Variants in GLS observed in about 807,000 individuals in gnomAD.
GLS encodes the protein glutaminase, also known as glutaminase kidney isoform, mitochondrial.
In GLS, 36 loss-of-function variants were observed where a neutral mutation model predicts 86.7. That is an observed-to-expected ratio of 0.42 (90% CI 0.32 to 0.55). The LOEUF (loss-of-function observed/expected upper bound fraction) is 0.55, where lower values mean the gene tolerates loss of function less well. Among genes scored for constraint, GLS ranks in the 20% least tolerant of loss-of-function variants. The pLI, the probability that GLS is intolerant of heterozygous loss-of-function variation, is 0.17. For synonymous variants in GLS, 317 were observed against 305.9 expected, an observed-to-expected ratio of 1.04 and a Z score of -0.38; for missense variants, 528 against 833.4, an observed-to-expected ratio of 0.63 and a Z score of 4.51.
chr2:190,892,595 G>A (rs1006344919), intron 1 of GLS, among the ~76,000 whole-genome samples: 1 of 152,064 alleles, frequency 6.6e-6, no homozygotes, highest in Non-Finnish European at 1.5e-5. Flanking sequence ...TTACCAGAAA[G>A]AATTAATTTA....
rs529489300 is a variant in GLS, at chr2:190,901,811, A to G, written c.736-136A>G. ...TCATGAGCATTGTTACAGAAGATAG[A>G]CTATGAAGCCACTGAGTGTTGTAGA... On this transcript the variant is annotated intron_variant, in intron 4 of 17. Transcript: ENST00000320717. 52 of 627,860 alleles carry G rather than the reference A, an allele frequency of 8.3e-5. 4 individuals carry two copies. In the South Asian group the frequency reaches 9.9e-4, roughly 12 times the overall value. 38.9% of individuals were successfully genotyped at this position (627,860 alleles called of 1,614,324 possible). A position where few individuals can be genotyped will look rare whatever the true frequency, so the allele number is the denominator to read the frequency against.
chr2:190,892,346 A>G (rs1688595189), intron 1 of GLS, among the ~76,000 whole-genome samples: 1 of 152,168 alleles, frequency 6.6e-6, no homozygotes, highest in African/African-American at 2.4e-5. Context: ...ATCTTCTGTT[A>G]TATCCTATTT....
At chr2:190,946,970 TAAATA>T (rs10590551) in intron 14 of GLS, among the ~76,000 whole-genome samples, 17,465 of 152,092 alleles carry the variant, frequency 0.11, 1,355 homozygotes, top group Admixed American at 0.27. Flanking sequence ...GTGGTAGTAA[TAAATA>T]AAATATATCT....
intron 5 of GLS, among the ~76,000 whole-genome samples, chr2:190,903,055 A>T (rs1203013448): frequency 6.6e-6 from 1 of 152,156 alleles, no homozygotes; most frequent in African/African-American, 2.4e-5. Context: ...TTTTATGAAA[A>T]TTTGATCTTT....
rs1278983926 is a variant in GLS at position 190,955,436 on chromosome 2, T to A, written c.1853+618T>A. ...GAATGATGGTTTCCAGCTTCACCCA[T>A]GTCCCTGCAAAGGACATGAACTCAT... On this transcript the variant is annotated intron_variant, in intron 17 of 17. Coordinates refer to ENST00000320717, the MANE Select transcript of GLS (RefSeq NM_014905.5). The surrounding 1 kb of genome is among the most constrained non-coding windows in gnomAD (Gnocchi z 5.6). Among the ~76,000 whole-genome samples, 3 of 152,226 alleles carry A rather than the reference T, an allele frequency of 2.0e-5. No individual in the cohort carries two copies.
At chr2:190,915,279 C>T (rs1201070115) in intron 7 of GLS, among the ~76,000 whole-genome samples, 5 of 151,722 alleles carry the variant, frequency 3.3e-5, no homozygotes, top group South Asian at 2.1e-4. Flanking sequence ...GGATTACAGA[C>T]GTGAGCCACC....
chr2:190,932,731 T>C (rs898604871), intron 14 of GLS: 14 of 1,599,812 alleles, frequency 8.8e-6, no homozygotes, highest in East Asian at 4.5e-5. Context: ...CTTTGGACCA[T>C]TGGACTATGA....
In GLS at chr2:190,954,480, G is replaced by A; in HGVS notation, c.1713-104G>A. On this transcript the variant is annotated intron_variant, in intron 15 of 17. Coordinates refer to ENST00000320717, the MANE Select transcript of GLS (RefSeq NM_014905.5). The surrounding 1 kb of genome is among the most constrained non-coding windows in gnomAD (Gnocchi z 4.0). Reference sequence around the variant, plus strand: ...GTTCCCATTAATGAGCTTGATGAAGGATGGCACCTGACAGGGCCTTAAATG... The same window carrying A: ...GTTCCCATTAATGAGCTTGATGAAGAATGGCACCTGACAGGGCCTTAAATG... The A allele has an allele frequency of 2.8e-6, 2 of 717,960 alleles. No individual in the cohort carries two copies. Among genetic ancestry groups the A allele is most frequent in the East Asian group, 2.7e-5 (1 of 37,306 alleles). The allele number at this position is 717,960 out of a possible 1,614,324, so 44.5% of individuals were successfully genotyped here. A position where few individuals can be genotyped will look rare whatever the true frequency, so the allele number is the denominator to read the frequency against.
chr2:190,891,023 TAGTA>T (rs1413105647), intron 1 of GLS, among the ~76,000 whole-genome samples: 1 of 79,310 alleles, frequency 1.3e-5, no homozygotes, highest in Admixed American at 1.6e-4. Flanking sequence ...TTGTAGTTCT[TAGTA>T]AGGATTTTTT....
At chr2:190,952,945 G>C (rs576884209) in intron 14 of GLS, among the ~76,000 whole-genome samples, 7 of 152,322 alleles carry the variant, frequency 4.6e-5, no homozygotes, top group African/African-American at 1.7e-4. Flanking sequence ...GCACTTAATA[G>C]AGGTGACTTA....
intron 3 of GLS, chr2:190,896,248 G>C (rs543203073): frequency 6.6e-6 from 1 of 152,278 alleles, no homozygotes; most frequent in South Asian, 2.1e-4. Flanking sequence ...AAGAACTAAA[G>C]GCAACTTTGG....
intron 7 of GLS, among the ~76,000 whole-genome samples, chr2:190,911,660 C>G (rs983866116): frequency 1.3e-5 from 2 of 151,962 alleles, no homozygotes; most frequent in African/African-American, 2.4e-5. Flanking sequence ...AGAGAAAAGC[C>G]TCATTAATAA....
In GLS at chr2:190,914,482, T is replaced by A. The variant is rs1268875142; in HGVS notation, c.1038+4161T>A. 6.6e-6 allele frequency among the ~76,000 whole-genome samples: 1 copy of A among 152,024 alleles called. No homozygotes were observed. The highest frequency in any genetic ancestry group is 6.6e-5 in the Admixed American group (1 of 15,256). On this transcript the variant is annotated intron_variant, in intron 7 of 17. Transcript: ENST00000320717. The surrounding 1 kb of genome is among the most constrained non-coding windows in gnomAD (Gnocchi z 4.4). Reference sequence around the variant, plus strand: ...GCATTTATTGTCAACTGAAAATTGTTCTGTTACTTTATTTTTAGGGTTGAT... The same window carrying A: ...GCATTTATTGTCAACTGAAAATTGTACTGTTACTTTATTTTTAGGGTTGAT...
intron 7 of GLS, among the ~76,000 whole-genome samples, chr2:190,918,454 G>C (rs910050252): frequency 5.9e-5 from 9 of 152,106 alleles, no homozygotes; most frequent in African/African-American, 2.2e-4. Context: ...AAGAGAGTTA[G>C]GGCCTTGTTC....
chr2:190,905,685 A>G lies in GLS; in HGVS notation c.979+518A>G, dbSNP rs1689110583. 6.6e-6 allele frequency among the ~76,000 whole-genome samples: 1 copy of G among 152,122 alleles called. No individual in the cohort carries two copies. The highest frequency in any genetic ancestry group is 2.1e-4 in the South Asian group (1 of 4,836). On this transcript the variant is annotated intron_variant, in intron 6 of 17. Coordinates refer to ENST00000320717, the MANE Select transcript of GLS (RefSeq NM_014905.5). This position sits in a 1 kb window ranked among gnomAD's most constrained non-coding sequence, Gnocchi z 4.6. ...ATTTGAAAGAAATGCTTTGTGTTTA[A>G]TGCTTGGTTAACAAATCTTTTTACA...
Position 190,954,807 on chromosome 2 carries a change from C to T in GLS, c.1842C>T (p.Phe614=). The change falls in exon 17 of 18, where the codon TTC becomes TTT. Residue 614 remains phenylalanine (F), a synonymous_variant. Transcript: ENST00000320717. This position sits in a 1 kb window ranked among gnomAD's most constrained non-coding sequence, Gnocchi z 4.0. ...TGGAAGCCTGCAAAGTAAACCCTTT[C>T]CCCAAGGACAGGTGAGCACTTATGT... ...FLLEACKVNP[F]PKDRWNNTPM... 1 of 1,610,684 alleles carries T rather than the reference C, an allele frequency of 6.2e-7. No homozygotes were observed. Among genetic ancestry groups the T allele is most frequent in the Non-Finnish European group, 8.5e-7 (1 of 1,177,654 alleles).
intron 1 of GLS, among the ~76,000 whole-genome samples, chr2:190,886,735 G>A (rs1322871678): frequency 6.6e-6 from 1 of 152,104 alleles, no homozygotes; most frequent in Admixed American, 6.5e-5. Flanking sequence ...GGCCAACATG[G>A]TGAAACACTG....
At chr2:190,940,846 A>G (rs1032727528) in intron 14 of GLS, among the ~76,000 whole-genome samples, 2 of 151,780 alleles carry the variant, frequency 1.3e-5, no homozygotes, top group African/African-American at 4.8e-5. Context: ...AGATCCCTCT[A>G]TATAAATGAA....
Position 190,895,250 on chromosome 2 carries a change from T to A in GLS, c.483+2T>A. ...ATACCTGTTCATAAATTTATTACAG[T>A]AAGTTTTTATATTTTTCTATCTTAA... is the stretch of plus-strand genomic sequence containing the variant. On this transcript the variant is annotated splice_donor_variant, in intron 2 of 17. Coordinates refer to ENST00000320717, the MANE Select transcript of GLS (RefSeq NM_014905.5). LOFTEE classifies it high-confidence loss of function. This position sits in a 1 kb window ranked among gnomAD's most constrained non-coding sequence, Gnocchi z 4.2. 8.9e-7 allele frequency: 1 copy of A among 1,129,460 alleles called. No homozygotes were observed. The highest frequency in any genetic ancestry group is 1.3e-6 in the Non-Finnish European group (1 of 749,006). 70.0% of individuals were successfully genotyped at this position (1,129,460 alleles called of 1,614,324 possible). A position where few individuals can be genotyped will look rare whatever the true frequency, so the allele number is the denominator to read the frequency against.
Sources: gnomAD v4.1 joint callset for allele counts (sites outside exome capture counted in the v4.1 genomes callset) on GRCh38, gnomAD v4.1.1 for gene constraint, Gnocchi (gnomAD v3.1) non-coding constraint, MANE v1.5 for transcripts, NCBI Gene and HGNC (gene_info 2026-07-23, HGNC 2026-07-21) for gene names.